SH2D4B: variants seen among roughly 807,000 people sequenced by gnomAD.
SH2D4B encodes SH2 domain containing 4B.
SH2D4B carries 45 observed loss-of-function variants against 61.5 expected under a neutral mutation model. That is an observed-to-expected ratio of 0.73 (90% confidence interval 0.58 to 0.94). SH2D4B has a LOEUF of 0.94. Ranked by LOEUF, SH2D4B falls within the 40% of genes least tolerant of loss-of-function variation. SH2D4B has a pLI of 0.00. For missense variants in SH2D4B, 572 were observed against 574.2 expected (o/e 1.00, Z 0.04); for synonymous variants, 224 against 220.4 (o/e 1.02, Z -0.14).
chr10:80,592,920 T>C (rs571404936), intron 4 of SH2D4B, among the ~76,000 whole-genome samples: 1 of 152,134 alleles, frequency 6.6e-6, no homozygotes, highest in East Asian at 1.9e-4. Flanking sequence ...GGTCTTGCCA[T>C]GTTGCCCAGT....
At chr10:80,574,764 A>G (rs1318441185) in intron 3 of SH2D4B, among the ~76,000 whole-genome samples, 2 of 152,096 alleles carry the variant, frequency 1.3e-5, no homozygotes, top group African/African-American at 4.8e-5. Context: ...GCAATGGCGC[A>G]ATCTCGGCTC....
At chr10:80,630,405 C>T (rs748124068) in intron 6 of SH2D4B, among the ~76,000 whole-genome samples, 8 of 152,174 alleles carry the variant, frequency 5.3e-5, no homozygotes, top group African/African-American at 1.4e-4. Flanking sequence ...CAGCCTTGAG[C>T]GGCTCATAGC....
At chr10:80,563,021 C>A (rs11186064) in intron 1 of SH2D4B, among the ~76,000 whole-genome samples, 15,029 of 150,186 alleles carry the variant, frequency 0.1, 826 homozygotes, top group African/African-American at 0.14. Context: ...CCTGCCTCAG[C>A]CTCCCAAGTA....
In SH2D4B at chr10:80,645,023, G is replaced by A. The variant is rs915431824; in HGVS notation, c.*938G>A. On this transcript the variant is annotated 3_prime_UTR_variant, in exon 8 of 8. Transcript: ENST00000646907. The stretch of plus-strand genomic sequence containing the variant: ...TAACTCTCAGTGATGGTATCTGTTG[G>A]TGCATACTTGTGTTCCACAGTTATG... The A allele has an allele frequency of 2.0e-5, 3 of 152,142 alleles. No homozygotes were observed. The highest frequency in any genetic ancestry group is 7.2e-5 in the African/African-American group (3 of 41,428). 9.4% of individuals were successfully genotyped at this position (152,142 alleles called of 1,614,324 possible).
At chr10:80,584,806 A>G (rs1234199506) in intron 3 of SH2D4B, among the ~76,000 whole-genome samples, 2 of 152,250 alleles carry the variant, frequency 1.3e-5, no homozygotes, top group Non-Finnish European at 2.9e-5. Flanking sequence ...CCTGTGGGAA[A>G]TATAAGTGCT....
intron 1 of SH2D4B, among the ~76,000 whole-genome samples, chr10:80,543,056 ATCT>A (rs1841604353): frequency 6.6e-6 from 1 of 151,584 alleles, no homozygotes; most frequent in African/African-American, 2.4e-5. Flanking sequence ...CCTCTTTAGC[ATCT>A]TCTTTATTTC....
In SH2D4B at chr10:80,605,295, T is replaced by A. The variant is rs571168610; in HGVS notation, c.860+1500T>A. 3.9e-5 allele frequency among the ~76,000 whole-genome samples: 6 copies of A among 152,102 alleles called. No individual in the cohort carries two copies. In the East Asian group the frequency reaches 7.7e-4, roughly 20 times the overall value. On this transcript the variant is annotated intron_variant, in intron 5 of 7. Coordinates refer to ENST00000646907, the MANE Select transcript of SH2D4B (RefSeq NM_001388272.1). Reference sequence around the variant, plus strand: ...ATATTATCTATTTAGGCTTTTTTTTTAACAGGTGCATAGTATTCTATACAA... The same window carrying A: ...ATATTATCTATTTAGGCTTTTTTTTAAACAGGTGCATAGTATTCTATACAA...
At chr10:80,616,999 A>C in intron 6 of SH2D4B, among the ~76,000 whole-genome samples, 1 of 152,276 alleles carries the variant, frequency 6.6e-6, no homozygotes, top group African/African-American at 2.4e-5. Flanking sequence ...CAAATGAGGA[A>C]GCTGAGGCAC....
At chr10:80,598,447 A>C (rs990137900) in intron 4 of SH2D4B, among the ~76,000 whole-genome samples, 1 of 152,190 alleles carries the variant, frequency 6.6e-6, no homozygotes, top group Non-Finnish European at 1.5e-5. Flanking sequence ...AGATGTGATC[A>C]TTCAGGCCCT....
At chr10:80,623,389 C>T (rs1842737840) in intron 6 of SH2D4B, among the ~76,000 whole-genome samples, 1 of 152,178 alleles carries the variant, frequency 6.6e-6, no homozygotes, top group South Asian at 2.1e-4. Context: ...GAGAATGAAC[C>T]TGCTGCTTCA....
intron 7 of SH2D4B, 92 bp from the exon 8 acceptor site, chr10:80,643,901 A>T: frequency 1.3e-6 from 1 of 786,814 alleles, no homozygotes; most frequent in Non-Finnish European, 1.9e-6. Context: ...GCATATTCTT[A>T]GTTTCTCTGT....
chr10:80,540,355 A>G (rs1841561918), intron 1 of SH2D4B, among the ~76,000 whole-genome samples: 2 of 151,998 alleles, frequency 1.3e-5, no homozygotes, highest in Non-Finnish European at 2.9e-5. Flanking sequence ...TTTCGGCCGG[A>G]GGGTCCAGGA....
Position 80,634,325 on chromosome 10 carries a change from C to G in SH2D4B, c.1029C>G (p.Asn343Lys). The G allele has an allele frequency of 6.5e-7, 1 of 1,544,568 alleles. No homozygotes were observed. The highest frequency in any genetic ancestry group is 8.7e-7 in the Non-Finnish European group (1 of 1,143,094). The change falls in exon 7 of 8, where the codon AAC (asparagine) becomes AAG (lysine). Residue 343 changes from asparagine to lysine, a missense_variant. Transcript: ENST00000646907. ...AAGATGCAGAAGCTCTCCTGGAGAA[C>G]ATGACTGAGGGAGCATTCCTGGTCC... ...SREDAEALLE[N>K]MTEGAFLVRV...
chr10:80,614,859 C>T (rs555491096), intron 6 of SH2D4B, among the ~76,000 whole-genome samples: 1 of 152,362 alleles, frequency 6.6e-6, no homozygotes, highest in East Asian at 1.9e-4. Context: ...GGATGTTCTC[C>T]ACCCTGTGAC....
intron 1 of SH2D4B, among the ~76,000 whole-genome samples, chr10:80,565,600 T>G (rs1383829204): frequency 3.3e-5 from 5 of 152,128 alleles, no homozygotes; most frequent in African/African-American, 1.2e-4. Context: ...TTTTCTCAGA[T>G]GACAAGAAAT....
chr10:80,579,697 CT>C (rs113058326), intron 3 of SH2D4B, among the ~76,000 whole-genome samples: 8 of 151,308 alleles, frequency 5.3e-5, no homozygotes, highest in Admixed American at 1.3e-4. Flanking sequence ...AGGCCACTCC[CT>C]TTTTTTTTCT....
intron 4 of SH2D4B, among the ~76,000 whole-genome samples, chr10:80,589,298 C>T (rs140455974): frequency 2.0e-3 from 302 of 152,306 alleles, no homozygotes; most frequent in Middle Eastern, 3.4e-3. Context: ...GCCACCACTC[C>T]CAGCTGGGGA....
intron 6 of SH2D4B, among the ~76,000 whole-genome samples, chr10:80,630,673 A>G (rs1842821663): frequency 6.6e-6 from 1 of 152,216 alleles, no homozygotes; most frequent in South Asian, 2.1e-4. Context: ...TACTCAGGTC[A>G]TCTTTTCCTA....
rs1840368973 is a variant in SH2D4B, at chr10:80,644,869, G to A, written c.*784G>A. Reference sequence around the variant, plus strand: ...ATCTGATGAGGCCTCTGCTCTCTGGGATGTGGCCCTCTCTATGCAGGTTAC... The same window carrying A: ...ATCTGATGAGGCCTCTGCTCTCTGGAATGTGGCCCTCTCTATGCAGGTTAC... On this transcript the variant is annotated 3_prime_UTR_variant, in exon 8 of 8. Coordinates refer to ENST00000646907, the MANE Select transcript of SH2D4B (RefSeq NM_001388272.1). The A allele has an allele frequency of 6.6e-6, 1 of 152,224 alleles. No homozygotes were observed. The allele number at this position is 152,224 out of a possible 1,614,324, so 9.4% of individuals were successfully genotyped here.
Sources: gnomAD v4.1 joint callset for allele counts (sites outside exome capture counted in the v4.1 genomes callset) on GRCh38, gnomAD v4.1.1 for gene constraint, MANE v1.5 for transcripts, NCBI Gene and HGNC (gene_info 2026-07-23, HGNC 2026-07-21) for gene names.